The following MAPK6 variants were observed in gnomAD, a reference collection of about 807,000 sequenced individuals.
MAPK6 encodes the protein mitogen-activated protein kinase 6, also known as ERK-3.
A neutral mutation model predicts 59.3 loss-of-function variants in MAPK6; 19 were observed. The ratio of observed to expected loss-of-function variants is 0.32; its 90% confidence interval spans 0.22 to 0.47. MAPK6 has a LOEUF of 0.47. Ranked by LOEUF, MAPK6 falls within the 20% of genes least tolerant of loss-of-function variation. MAPK6 has a pLI of 1.00. For missense variants in MAPK6, 724 were observed against 847.9 expected, an observed-to-expected ratio of 0.85 and a Z score of 1.81; for synonymous variants, 316 against 290.3, an observed-to-expected ratio of 1.09 and a Z score of -0.90.
rs1184787561 is a variant in MAPK6, at chr15:52,067,128, G to A, written c.*2128G>A. 1 of 152,062 alleles carries A rather than the reference G, an allele frequency of 6.6e-6. No individual in the cohort carries two copies. Among genetic ancestry groups the A allele is most frequent in the African/African-American group, 2.4e-5 (1 of 41,398 alleles). 9.4% of individuals were successfully genotyped at this position (152,062 alleles called of 1,614,324 possible). A position where few individuals can be genotyped will look rare whatever the true frequency, so the allele number is the denominator to read the frequency against. ...TGCTGTCTTCCCTGAAGGAGACCTA[G>A]GATTTTTCTTACTGGGAAACTTGGC... On this transcript the variant is annotated 3_prime_UTR_variant, in exon 6 of 6. Coordinates refer to ENST00000261845, the MANE Select transcript of MAPK6 (RefSeq NM_002748.4).
chr15:52,019,444 C>CCGG (rs879025418), intron 1 of MAPK6, 68 bp downstream of exon 1: 20,848 of 146,462 alleles, frequency 0.14, 1,992 homozygotes, highest in East Asian at 0.43. Flanking sequence ...CGCGGCGGGC[C>CCGG]CGGCGGCGGC....
intron 2 of MAPK6, among the ~76,000 whole-genome samples, chr15:51,993,531 AATT>A (rs2057215845): frequency 6.6e-6 from 1 of 152,166 alleles, no homozygotes; most frequent in Admixed American, 6.6e-5. Flanking sequence ...AAACTAGAAG[AATT>A]ATTTGGTGTT....
chr15:51,988,117 A>G (rs1001103716), intron 2 of MAPK6, among the ~76,000 whole-genome samples: 1 of 152,174 alleles, frequency 6.6e-6, no homozygotes, highest in Admixed American at 6.6e-5. Flanking sequence ...GTTTATGTTT[A>G]TTTTTTATGT....
In MAPK6 at chr15:52,066,609, TTAA is replaced by T. The variant is rs34235517; in HGVS notation, c.*1612_*1614del. ...CTTGTTTTGTACAACACCAATTCTATTAATATCTGCCCACCTACCTTCTCAACA... is the reference window on the plus strand; with the variant it reads ...CTTGTTTTGTACAACACCAATTCTATTATCTGCCCACCTACCTTCTCAACA... On this transcript the variant is annotated 3_prime_UTR_variant, in exon 6 of 6. Coordinates refer to ENST00000261845, the MANE Select transcript of MAPK6 (RefSeq NM_002748.4). 0.71 allele frequency: 105,976 copies of T among 148,272 alleles called. 40,756 individuals carry two copies. Among genetic ancestry groups the T allele is most frequent in the Non-Finnish European group, 0.87 (58,164 of 66,766 alleles). The allele number at this position is 148,272 out of a possible 1,614,324, so 9.2% of individuals were successfully genotyped here.
At position 52,064,567 on chromosome 15, in the gene MAPK6, G is replaced by A. The variant is rs368759134; in HGVS notation, c.1733G>A (p.Gly578Glu). The A allele has an allele frequency of 6.2e-7, 1 of 1,611,740 alleles. No individual in the cohort carries two copies. The highest frequency in any genetic ancestry group is 8.5e-7 in the Non-Finnish European group (1 of 1,179,754). Residue 578 changes from glycine (G) to glutamate (E), a missense_variant, in exon 6 of 6, where the codon GGA becomes GAA. Transcript: ENST00000261845. ...GTAAGCCAAGAAAAACAGGAAAAAG[G>A]AATGGCAAATCTGGCTCAATTAGAA... ...KSVSQEKQEK[G>E]MANLAQLEAL...
chr15:52,063,403 T>G (rs552891527), intron 5 of MAPK6, among the ~76,000 whole-genome samples: 1 of 152,320 alleles, frequency 6.6e-6, no homozygotes, highest in East Asian at 1.9e-4. Flanking sequence ...TCTAATCTCT[T>G]TTCTTTTCCC....
At position 52,060,610 on chromosome 15, in the gene MAPK6, G is replaced by A. The variant is rs367669994; in HGVS notation, c.866-689G>A. Among the ~76,000 whole-genome samples the A allele has an allele frequency of 4.6e-5, 7 of 152,278 alleles. No homozygotes were observed. The East Asian group carries it at 9.6e-4, about 21-fold the overall frequency. On this transcript the variant is annotated intron_variant, in intron 4 of 5. Coordinates refer to ENST00000261845, the MANE Select transcript of MAPK6 (RefSeq NM_002748.4). Reference sequence around the variant, plus strand: ...ATATCATAAGGCATAGAAGTGTGTGGCTGGTGTAAATATAGCTTTCAGGCT... The same window carrying A: ...ATATCATAAGGCATAGAAGTGTGTGACTGGTGTAAATATAGCTTTCAGGCT...
In MAPK6 at chr15:51,998,687, ATT is replaced by A. The variant is rs964775744; in HGVS notation, c.-769-5558_-769-5557del. Among the ~76,000 whole-genome samples, 13 of 38,496 alleles carry A rather than the reference ATT, an allele frequency of 3.4e-4. 1 individual carries two copies. The East Asian group carries it at 6.6e-3, about 20-fold the overall frequency. The allele number at this position is 38,496 out of a possible 152,430, so 25.3% of individuals were successfully genotyped here. ...AGGCGTGCGCCACCATGCCTGGTTAATTTTTTTTTTTTTTTTTTTTTGAGACG... is the reference window on the plus strand; with the variant it reads ...AGGCGTGCGCCACCATGCCTGGTTAATTTTTTTTTTTTTTTTTTTGAGACG... On this transcript the variant is annotated intron_variant, in intron 2 of 7. Transcript: ENST00000691380.
In MAPK6 at chr15:52,047,802, G is replaced by A. The variant is rs1275034297; in HGVS notation, c.555+787G>A. Among the ~76,000 whole-genome samples the A allele has an allele frequency of 4.6e-5, 7 of 152,012 alleles. No individual in the cohort carries two copies. The East Asian group carries it at 1.2e-3, about 25-fold the overall frequency. On this transcript the variant is annotated intron_variant, in intron 2 of 5. Transcript: ENST00000261845. Reference sequence around the variant, plus strand: ...CACACCCAAGCTTATGTCTTCTTTTGTCTCTTTGAGCCTGTACTATTCAGT... The same window carrying A: ...CACACCCAAGCTTATGTCTTCTTTTATCTCTTTGAGCCTGTACTATTCAGT...
intron 2 of MAPK6, among the ~76,000 whole-genome samples, chr15:52,001,210 G>T (rs564648336): frequency 4.9e-4 from 75 of 152,202 alleles, no homozygotes; most frequent in Admixed American, 3.7e-3. Flanking sequence ...CTCTCCAGAG[G>T]ATGCAGCCCT....
chr15:52,053,744 A>G (rs566986731), intron 3 of MAPK6, among the ~76,000 whole-genome samples: 3 of 151,182 alleles, frequency 2.0e-5, no homozygotes, highest in African/African-American at 7.3e-5. Context: ...GGTTCAAGCA[A>G]TTCTCCTCCC....
Position 52,066,905 on chromosome 15 carries a change from T to C in MAPK6, c.*1905T>C, listed in dbSNP as rs976757663. 6.6e-6 allele frequency: 1 copy of C among 151,978 alleles called. No individual in the cohort carries two copies. The highest frequency in any genetic ancestry group is 2.4e-5 in the African/African-American group (1 of 41,372). 9.4% of individuals were successfully genotyped at this position (151,978 alleles called of 1,614,324 possible). On this transcript the variant is annotated 3_prime_UTR_variant, in exon 6 of 6. Transcript: ENST00000261845. ...TGAAGTGCAGTCATGAGAATTGATTTGTGGGGAAAAAAAAAATGGGACACT... is the reference window on the plus strand; with the variant it reads ...TGAAGTGCAGTCATGAGAATTGATTCGTGGGGAAAAAAAAAATGGGACACT...
chr15:51,985,055 T>C (rs1595957943), intron 2 of MAPK6, among the ~76,000 whole-genome samples: 1 of 152,218 alleles, frequency 6.6e-6, no homozygotes, highest in Non-Finnish European at 1.5e-5. Flanking sequence ...TTATAACATA[T>C]TGCCAGGCAA....
At chr15:52,053,531 T>C (rs2031853490) in intron 3 of MAPK6, among the ~76,000 whole-genome samples, 1 of 152,154 alleles carries the variant, frequency 6.6e-6, no homozygotes, top group South Asian at 2.1e-4. Flanking sequence ...GTGATTTACA[T>C]GTATTTTCTC....
intron 1 of MAPK6, among the ~76,000 whole-genome samples, chr15:52,030,281 A>C (rs1234829594): frequency 1.3e-5 from 2 of 152,180 alleles, no homozygotes; most frequent in Non-Finnish European, 2.9e-5. Flanking sequence ...GTCTTTCCTT[A>C]CTAGAATGCG....
chr15:51,995,182 G>A (rs1235667125), intron 2 of MAPK6, among the ~76,000 whole-genome samples: 2 of 152,200 alleles, frequency 1.3e-5, no homozygotes. Flanking sequence ...AAAGTAAACT[G>A]TATGTAAGGA....
At chr15:52,060,308 C>T (rs1368099311) in intron 4 of MAPK6, among the ~76,000 whole-genome samples, 1 of 152,098 alleles carries the variant, frequency 6.6e-6, no homozygotes, top group African/African-American at 2.4e-5. Context: ...AGAGAAAGGC[C>T]ATCTTTCTCA....
intron 2 of MAPK6, among the ~76,000 whole-genome samples, chr15:51,998,138 T>G (rs1432201486): frequency 6.6e-6 from 1 of 151,736 alleles, no homozygotes; most frequent in Non-Finnish European, 1.5e-5. Context: ...GAGACGGGGT[T>G]TCACCATGTT....
chr15:52,047,434 C>T (rs1312396224), intron 2 of MAPK6, among the ~76,000 whole-genome samples: 1 of 152,098 alleles, frequency 6.6e-6, no homozygotes, highest in African/African-American at 2.4e-5. Flanking sequence ...CAACCTTCAT[C>T]CCCTGGATTC....
Sources: allele counts gnomAD v4.1 joint callset (sites outside exome capture counted in the v4.1 genomes callset), GRCh38; gene constraint gnomAD v4.1.1; transcripts MANE v1.5; gene names NCBI Gene and HGNC (gene_info 2026-07-23, HGNC 2026-07-21).